SLC25A42: variants seen among roughly 807,000 people sequenced by gnomAD.
SLC25A42 encodes the protein solute carrier family 25 member 42.
Under a neutral mutation model 34.7 loss-of-function variants are expected in SLC25A42, and 19 were observed. The ratio of observed to expected loss-of-function variants is 0.55; its 90% CI spans 0.38 to 0.80. SLC25A42 has a LOEUF of 0.80. Ranked by LOEUF, SLC25A42 falls within the 30% of genes least tolerant of loss-of-function variation. SLC25A42 has a pLI of 0.00. For missense variants in SLC25A42, 364 were observed against 441.3 expected, an observed-to-expected ratio of 0.82 and a Z score of 1.57; for synonymous variants, 205 against 191.2, an observed-to-expected ratio of 1.07 and a Z score of -0.59.
chr19:19,065,065 T>G (rs2059594339), intron 1 of SLC25A42, among the ~76,000 whole-genome samples: 1 of 152,156 alleles, frequency 6.6e-6, no homozygotes, highest in African/African-American at 2.4e-5. Context: ...CCACCGCGTT[T>G]GGGCCCATCT....
At chr19:19,065,757 T>C (rs1470262779) in intron 1 of SLC25A42, among the ~76,000 whole-genome samples, 2 of 152,234 alleles carry the variant, frequency 1.3e-5, no homozygotes, top group African/African-American at 2.4e-5. Flanking sequence ...TACATGTACC[T>C]ATAATATTCA....
At chr19:19,067,456 C>T (rs76396013) in intron 1 of SLC25A42, among the ~76,000 whole-genome samples, 2 of 151,914 alleles carry the variant, frequency 1.3e-5, no homozygotes, top group East Asian at 1.9e-4. Flanking sequence ...TGGTGGCGTG[C>T]GTAAATAGTC....
At chr19:19,093,308 G>A (rs765444064) in intron 1 of SLC25A42, among the ~76,000 whole-genome samples, 7 of 152,082 alleles carry the variant, frequency 4.6e-5, no homozygotes, top group South Asian at 2.1e-4. Flanking sequence ...GTGCCACCAC[G>A]CCCAGCTGAG....
At chr19:19,077,673 AG>A (rs1365489468) in intron 1 of SLC25A42, among the ~76,000 whole-genome samples, 27 of 152,342 alleles carry the variant, frequency 1.8e-4, no homozygotes, top group Admixed American at 1.8e-3. Flanking sequence ...AGATCACCTG[AG>A]GCCAGGAGTT....
At chr19:19,082,430 G>A (rs180784201) in intron 1 of SLC25A42, among the ~76,000 whole-genome samples, 4 of 152,262 alleles carry the variant, frequency 2.6e-5, no homozygotes, top group Non-Finnish European at 5.9e-5. Context: ...CCAGGCTGGA[G>A]TGCAGTGGCA....
rs35554466 is a variant in SLC25A42 at position 19,074,723 on chromosome 19, ATGTGTG to A, written c.-35+10617_-35+10622del. Among the ~76,000 whole-genome samples, 12 of 150,588 alleles carry A rather than the reference ATGTGTG, an allele frequency of 8.0e-5. No homozygotes were observed. In the South Asian group the frequency reaches 2.5e-3, roughly 32 times the overall value. ...AGAGAGTGTGTGTGTGCGTGCGTGT[ATGTGTG>A]TGTGTGTGAGTGTATGTGTGAGCGA... On this transcript the variant is annotated intron_variant, in intron 1 of 7. Transcript: ENST00000318596.
At chr19:19,110,448 T>G in intron 7 of SLC25A42, 121 bp from the exon 8 acceptor site, 1 of 705,352 alleles carries the variant, frequency 1.4e-6, no homozygotes, top group South Asian at 3.2e-5. Context: ...CACGTGGGGG[T>G]GCAAGTGCAT....
intron 1 of SLC25A42, among the ~76,000 whole-genome samples, chr19:19,067,892 C>T (rs1030190952): frequency 6.6e-6 from 1 of 152,186 alleles, no homozygotes; most frequent in African/African-American, 2.4e-5. Flanking sequence ...AGTCAGGCCT[C>T]TGCCCACGTG....
At chr19:19,077,238 T>C (rs1177236808) in intron 1 of SLC25A42, among the ~76,000 whole-genome samples, 4 of 152,196 alleles carry the variant, frequency 2.6e-5, no homozygotes, top group African/African-American at 9.7e-5. Flanking sequence ...AAAAGTGCCA[T>C]TTTTAAGTGT....
At chr19:19,108,129 G>A (rs2059843725) in intron 7 of SLC25A42, 84 bp downstream of exon 7, 1 of 1,470,584 alleles carries the variant, frequency 6.8e-7, no homozygotes, top group African/African-American at 1.4e-5. Context: ...ACATAGACCT[G>A]GAGACCAGGC....
rs1397143740 is a variant in SLC25A42, at chr19:19,109,263, T to A, written c.649+1218T>A. Among the ~76,000 whole-genome samples, 2 of 152,230 alleles carry A rather than the reference T, an allele frequency of 1.3e-5. No individual in the cohort carries two copies. Among genetic ancestry groups the A allele is most frequent in the Non-Finnish European group, 2.9e-5 (2 of 68,038 alleles). On this transcript the variant is annotated intron_variant, in intron 7 of 7. Coordinates refer to ENST00000318596, the MANE Select transcript of SLC25A42 (RefSeq NM_178526.5). The surrounding 1 kb of genome is among the most constrained non-coding windows in gnomAD (Gnocchi z 4.1). ...GCCCTTTGGCTGTTGCCAGGTTTTC[T>A]GTGATCAGCCGACATCCAGGAGCTC...
chr19:19,069,797 G>A (rs1234479838), intron 1 of SLC25A42, among the ~76,000 whole-genome samples: 1 of 151,740 alleles, frequency 6.6e-6, no homozygotes, highest in Non-Finnish European at 1.5e-5. Flanking sequence ...TGGGACTATA[G>A]GCGCAGGCCA....
chr19:19,090,026 T>G (rs2059729999), intron 1 of SLC25A42, among the ~76,000 whole-genome samples: 1 of 152,212 alleles, frequency 6.6e-6, no homozygotes, highest in Admixed American at 6.5e-5. Context: ...ATTGTTTTCT[T>G]AGGCAAAAAT....
intron 1 of SLC25A42, among the ~76,000 whole-genome samples, chr19:19,074,453 G>A (rs573483968): frequency 6.6e-6 from 1 of 152,286 alleles, no homozygotes; most frequent in South Asian, 2.1e-4. Context: ...AGAGATTACA[G>A]GATCCATTTC....
At chr19:19,065,741 C>G (rs1389417829) in intron 1 of SLC25A42, among the ~76,000 whole-genome samples, 1 of 152,122 alleles carries the variant, frequency 6.6e-6, no homozygotes, top group South Asian at 2.1e-4. Context: ...GTGTTGTACA[C>G]ATATGTACAT....
intron 1 of SLC25A42, among the ~76,000 whole-genome samples, chr19:19,079,215 C>T (rs2145903553): frequency 6.6e-6 from 1 of 152,102 alleles, no homozygotes; most frequent in East Asian, 1.9e-4. Context: ...GCCATCATAT[C>T]CAGCTAATTT....
chr19:19,079,815 C>T (rs1483607692), intron 1 of SLC25A42, among the ~76,000 whole-genome samples: 1 of 152,108 alleles, frequency 6.6e-6, no homozygotes, highest in African/African-American at 2.4e-5. Context: ...CAAGCATCCT[C>T]CTGCTTTAGC....
chr19:19,073,913 G>A (rs895185423), intron 1 of SLC25A42, among the ~76,000 whole-genome samples: 3 of 152,182 alleles, frequency 2.0e-5, no homozygotes, highest in Non-Finnish European at 2.9e-5. Context: ...TTACCATGTT[G>A]CCCAGGCTGG....
rs2059871914 is a variant in SLC25A42, at chr19:19,112,606, G to C, written c.*1730G>C. On this transcript the variant is annotated 3_prime_UTR_variant, in exon 8 of 8. Transcript: ENST00000318596. The surrounding 1 kb of genome is among the most constrained non-coding windows in gnomAD (Gnocchi z 4.3). ...GCCACAGGCTAGGCAGGAGAGACAAGGGGTAGGTGGGAGGGTCCCCCAGTC... is the reference window on the plus strand; with the variant it reads ...GCCACAGGCTAGGCAGGAGAGACAACGGGTAGGTGGGAGGGTCCCCCAGTC... 1 of 152,490 alleles carries C rather than the reference G, an allele frequency of 6.6e-6. No individual in the cohort carries two copies. 9.4% of individuals were successfully genotyped at this position (152,490 alleles called of 1,614,324 possible).
Sources: gnomAD v4.1 joint callset for allele counts (sites outside exome capture counted in the v4.1 genomes callset) on GRCh38, gnomAD v4.1.1 for gene constraint, Gnocchi (gnomAD v3.1) non-coding constraint, MANE v1.5 for transcripts, NCBI Gene and HGNC (gene_info 2026-07-23, HGNC 2026-07-21) for gene names.